The following MTMR9 variants were observed in gnomAD, a reference collection of about 807,000 sequenced individuals.
MTMR9 encodes myotubularin related protein 9, also known as myotubularin-related protein 9.
MTMR9 carries 39 observed loss-of-function variants against 69.5 expected under a neutral mutation model. That is an observed-to-expected ratio of 0.56 (90% CI 0.43 to 0.73). MTMR9 has a LOEUF of 0.73. Among genes scored for constraint, MTMR9 ranks in the 30% least tolerant of loss-of-function variants. The pLI is 0.00. For synonymous variants in MTMR9, 354 were observed against 240.8 expected, an observed-to-expected ratio of 1.47 and a Z score of -4.35; for missense variants, 900 against 671.2, an observed-to-expected ratio of 1.34 and a Z score of -3.77.
Position 11,308,126 on chromosome 8 carries a change from C to A in MTMR9, c.810-1401C>A, listed in dbSNP as rs74906448. ...AAAATAACTTTTCCCAGACCAATGTCAAGAAGCTTTTTCCTTATGTTTTCC... is the reference window on the plus strand; with the variant it reads ...AAAATAACTTTTCCCAGACCAATGTAAAGAAGCTTTTTCCTTATGTTTTCC... On this transcript the variant is annotated intron_variant, in intron 5 of 9. Coordinates refer to ENST00000221086, the MANE Select transcript of MTMR9 (RefSeq NM_015458.4). 8.5e-3 allele frequency among the ~76,000 whole-genome samples: 1,294 copies of A among 152,288 alleles called. 15 individuals carry two copies. Among genetic ancestry groups the A allele is most frequent in the African/African-American group, 0.03 (1,235 of 41,560 alleles).
rs1366715416 is a variant in MTMR9, at chr8:11,326,159, C to T, written c.*3371C>T. On this transcript the variant is annotated 3_prime_UTR_variant, in exon 10 of 10. Transcript: ENST00000221086. ...GAAAAACAGGAGTAATGTTTCGTTG[C>T]ACTTTGAAAGATCTGCTTCAAGGCA... 2 of 152,192 alleles carry T rather than the reference C, an allele frequency of 1.3e-5. No homozygotes were observed. The highest frequency in any genetic ancestry group is 4.8e-5 in the African/African-American group (2 of 41,448). 9.4% of individuals were successfully genotyped at this position (152,192 alleles called of 1,614,324 possible).
downstream of MTMR9, among the ~76,000 whole-genome samples, chr8:11,330,258 C>T (rs1291312435): frequency 6.6e-6 from 1 of 150,996 alleles, no homozygotes; most frequent in Non-Finnish European, 1.5e-5. Context: ...AGGGTCAGCC[C>T]CCCACCGGCC....
chr8:11,336,891 C>T, the MTMR9 span, among the ~76,000 whole-genome samples: 1 of 152,172 alleles, frequency 6.6e-6, no homozygotes, highest in South Asian at 2.1e-4. Flanking sequence ...CTATTGTATG[C>T]ATCCAACTGT....
intron 2 of MTMR9, chr8:11,298,020 C>G (rs1563269744): frequency 1.1e-5 from 5 of 436,712 alleles, no homozygotes; most frequent in Admixed American, 7.2e-5. Flanking sequence ...TCCGTATACT[C>G]AAATATATTC....
In MTMR9 at chr8:11,285,069, C is replaced by T; in HGVS notation, c.181C>T (p.Arg61Ter). The T allele has an allele frequency of 6.2e-7, 1 of 1,601,500 alleles. No homozygotes were observed. The highest frequency in any genetic ancestry group is 8.5e-7 in the Non-Finnish European group (1 of 1,173,036). ...LHSNIDAIDK[R>*]FVGSLGTIII... Reference sequence around the variant, plus strand: ...TTCAAACATCGACGCCATCGACAAGCGGTGAGTGCCCGCCCCACCCCAGCT... The same window carrying T: ...TTCAAACATCGACGCCATCGACAAGTGGTGAGTGCCCGCCCCACCCCAGCT... Residue 61 changes from arginine to a stop codon, truncating the protein, a stop_gained and splice_region_variant, in exon 1 of 10, where the codon CGA (arginine) becomes TGA (stop). Transcript: ENST00000221086. LOFTEE classifies it high-confidence loss of function.
downstream of MTMR9, chr8:11,331,536 G>C (rs1187737594): frequency 2.5e-6 from 4 of 1,613,834 alleles, no homozygotes; most frequent in Admixed American, 5.0e-5. Flanking sequence ...ATGCTCCGCT[G>C]TCCTCACCCT....
Position 11,319,789 on chromosome 8 carries a change from C to T in MTMR9, c.1437C>T (p.Asn479=), listed in dbSNP as rs750462725. ...CCAATCCCCTCTTTGAAGCCAACAA[C>T]CTTGTCATCTGGCCTTCAGTTGCTC... ...KFTNPLFEAN[N]LVIWPSVAPQ... The change falls in exon 9 of 10, where the codon AAC becomes AAT. Residue 479 remains asparagine (N), a synonymous_variant. Transcript: ENST00000221086. The T allele has an allele frequency of 6.2e-7, 1 of 1,614,058 alleles. No individual in the cohort carries two copies.
At chr8:11,328,290 G>A (rs1801038541), downstream of MTMR9, 1 of 151,594 alleles carries the variant, frequency 6.6e-6, no homozygotes. Context: ...GATCTCCCTA[G>A]ATTGTTCCTA....
chr8:11,337,679 G>C, the MTMR9 span, among the ~76,000 whole-genome samples: 2 of 152,236 alleles, frequency 1.3e-5, no homozygotes, highest in Non-Finnish European at 2.9e-5. Flanking sequence ...ACTCGGTCCT[G>C]CTAGGGAAAA....
chr8:11,287,923 A>G lies in MTMR9; in HGVS notation c.182+2853A>G, dbSNP rs7837046. ...ATATATAACATAATATGTATTATAT[A>G]TTATATAATATGTGTTATATATCAT... On this transcript the variant is annotated intron_variant, in intron 1 of 9. Transcript: ENST00000221086. 3.0e-3 allele frequency among the ~76,000 whole-genome samples: 379 copies of G among 128,458 alleles called. 3 individuals carry two copies. Among genetic ancestry groups the G allele is most frequent in the African/African-American group, 0.011 (364 of 33,794 alleles). The allele number at this position is 128,458 out of a possible 152,430, so 84.3% of individuals were successfully genotyped here.
chr8:11,306,332 C>G lies in MTMR9; in HGVS notation c.734C>G (p.Thr245Ser), dbSNP rs1563276124. ...DTRSLNVAQQ[T>S]RAKGGGFEQE... ...CGATCCCTGAACGTGGCTCAGCAAA[C>G]TAGAGCCAAAGGAGGTGGCTTTGAA... is the stretch of plus-strand genomic sequence containing the variant. Residue 245 changes from threonine (T) to serine (S), a missense_variant, in exon 5 of 10, where the codon ACT becomes AGT. Thr to Ser is a moderately conservative substitution (Grantham distance 58). Transcript: ENST00000221086. 1 of 1,614,048 alleles carries G rather than the reference C, an allele frequency of 6.2e-7. No individual in the cohort carries two copies. Among genetic ancestry groups the G allele is most frequent in the Non-Finnish European group, 8.5e-7 (1 of 1,179,966 alleles).
intron 1 of MTMR9, among the ~76,000 whole-genome samples, chr8:11,287,886 A>G (rs1354487850): frequency 3.1e-5 from 4 of 128,588 alleles, no homozygotes; most frequent in African/African-American, 1.2e-4. Context: ...TATAACATAT[A>G]TAATACGTAT....
At chr8:11,295,352 C>A in intron 2 of MTMR9, 50 bp downstream of exon 2, 2 of 974,448 alleles carry the variant, frequency 2.1e-6, no homozygotes, top group Non-Finnish European at 1.6e-6. Flanking sequence ...TATATTATGA[C>A]TCAGTGTAGC....
chr8:11,332,301 A>C (rs1801268931), downstream of MTMR9: 1 of 1,099,838 alleles, frequency 9.1e-7, no homozygotes, highest in Non-Finnish European at 1.2e-6. Flanking sequence ...AAATATCACA[A>C]AGCATGCAAA....
At position 11,323,665 on chromosome 8, in the gene MTMR9, A is replaced by G. The variant is rs1419136722; in HGVS notation, c.*877A>G. On this transcript the variant is annotated 3_prime_UTR_variant, in exon 10 of 10. Transcript: ENST00000221086. ...ATAGGTTTTCTTAAACCAGAGATGC[A>G]CTGCCCTTGTCTAAAGTTCTTATTG... The G allele has an allele frequency of 4.6e-5, 7 of 152,238 alleles. No individual in the cohort carries two copies. The highest frequency in any genetic ancestry group is 1.7e-4 in the African/African-American group (7 of 41,452). 9.4% of individuals were successfully genotyped at this position (152,238 alleles called of 1,614,324 possible).
chr8:11,302,988 A>G (rs955365684), intron 3 of MTMR9, among the ~76,000 whole-genome samples: 3 of 151,928 alleles, frequency 2.0e-5, no homozygotes, highest in Non-Finnish European at 4.4e-5. Context: ...TGGAAAAGAC[A>G]ATATACTCAT....
the MTMR9 span, among the ~76,000 whole-genome samples, chr8:11,336,618 A>C: frequency 6.6e-6 from 1 of 152,206 alleles, no homozygotes; most frequent in Non-Finnish European, 1.5e-5. Context: ...TTTTTTGGCC[A>C]TCTCCAATGC....
chr8:11,305,232 A>G (rs979619557), intron 4 of MTMR9, among the ~76,000 whole-genome samples: 6 of 152,248 alleles, frequency 3.9e-5, no homozygotes, highest in Non-Finnish European at 7.3e-5. Context: ...GCTCAGCCGT[A>G]TAAAAGCCCT....
chr8:11,331,744 T>C, downstream of MTMR9: 3 of 1,611,954 alleles, frequency 1.9e-6, no homozygotes, highest in Non-Finnish European at 2.5e-6. Flanking sequence ...TATCGTTCTC[T>C]GCACTTTCCC....
Sources: gnomAD v4.1 joint callset for allele counts (sites outside exome capture counted in the v4.1 genomes callset) on GRCh38, gnomAD v4.1.1 for gene constraint, MANE v1.5 for transcripts, NCBI Gene and HGNC (gene_info 2026-07-23, HGNC 2026-07-21) for gene names.